TCEA3: variants seen among roughly 807,000 people sequenced by gnomAD.
TCEA3 encodes transcription elongation factor A3.
Under a neutral mutation model 44.0 loss-of-function variants are expected in TCEA3, and 36 were observed. The ratio of observed to expected loss-of-function variants is 0.82; its 90% confidence interval spans 0.63 to 1.08. TCEA3 has a LOEUF of 1.08. TCEA3 is among the 50% of genes least tolerant of loss of function. The pLI is 0.00. For missense variants in TCEA3, 392 were observed against 441.2 expected, an observed-to-expected ratio of 0.89 and a Z score of 1.00; for synonymous variants, 162 against 159.7, an observed-to-expected ratio of 1.01 and a Z score of -0.11.
intron 5 of TCEA3, among the ~76,000 whole-genome samples, chr1:23,399,605 T>C (rs1639337456): frequency 6.6e-6 from 1 of 152,176 alleles, no homozygotes; most frequent in African/African-American, 2.4e-5. Context: ...ATTTTCTTCG[T>C]TTGCTTATGC....
chr1:23,381,507 G>C (rs1217412251), intron 10 of TCEA3, 33 bp from the exon 11 acceptor site: 1 of 780,718 alleles, frequency 1.3e-6, no homozygotes, highest in Non-Finnish European at 2.4e-6. Context: ...AAATTTGAAA[G>C]GTTTCTCGGC....
intron 5 of TCEA3, among the ~76,000 whole-genome samples, chr1:23,398,638 A>T (rs1372267215): frequency 1.3e-5 from 2 of 152,200 alleles, no homozygotes; most frequent in Non-Finnish European, 2.9e-5. Context: ...TACTCTCATC[A>T]TCTCTATTTT....
intron 1 of TCEA3, among the ~76,000 whole-genome samples, chr1:23,422,791 G>C (rs974082358): frequency 6.6e-6 from 1 of 152,196 alleles, no homozygotes; most frequent in Non-Finnish European, 1.5e-5. Flanking sequence ...TTTCACAGAA[G>C]AGGAAACTCG....
chr1:23,421,207 A>C (rs1311011193), intron 1 of TCEA3, among the ~76,000 whole-genome samples: 1 of 152,208 alleles, frequency 6.6e-6, no homozygotes, highest in East Asian at 1.9e-4. Context: ...TATCTCATTT[A>C]ACATTCACAA....
intron 5 of TCEA3, among the ~76,000 whole-genome samples, chr1:23,399,994 C>T (rs1639350919): frequency 6.6e-6 from 1 of 151,858 alleles, no homozygotes; most frequent in Non-Finnish European, 1.5e-5. Flanking sequence ...GCATTCTTGG[C>T]AGAAATGATG....
At chr1:23,402,511 C>T (rs1411946889) in intron 5 of TCEA3, among the ~76,000 whole-genome samples, 2 of 152,210 alleles carry the variant, frequency 1.3e-5, no homozygotes, top group Non-Finnish European at 2.9e-5. Context: ...ATCCCTCCCA[C>T]TGCCGGGCCT....
At position 23,424,609 on chromosome 1, in the gene TCEA3, T is replaced by G. The variant is rs758901775; in HGVS notation, c.25A>C (p.Arg9=). MGQEEELL[R]IAKKLEKMVA... ...ATCTTCTCCAGCTTTTTGGCGATCC[T>G]CAGCAGCTCCTCTTCCTGGCCCATG... Residue 9 remains arginine, a synonymous_variant, in exon 1 of 11, where the codon AGG becomes CGG. Coordinates refer to ENST00000450454, the MANE Select transcript of TCEA3 (RefSeq NM_003196.3). The G allele has an allele frequency of 1.2e-6, 2 of 1,608,460 alleles. No homozygotes were observed. The highest frequency in any genetic ancestry group is 1.7e-6 in the Non-Finnish European group (2 of 1,179,050).
chr1:23,383,888 G>C (rs922087098), intron 10 of TCEA3: 1 of 996,170 alleles, frequency 1.0e-6, no homozygotes, highest in African/African-American at 1.7e-5. Context: ...AGGAGGGAAG[G>C]ATGGCCTGGT....
chr1:23,384,464 A>G (rs772881355), intron 9 of TCEA3, 47 bp from the exon 10 acceptor site: 1 of 1,591,836 alleles, frequency 6.3e-7, no homozygotes, highest in Non-Finnish European at 8.6e-7. Context: ...CTGTTCTAGG[A>G]CCTGCCATGG....
intron 7 of TCEA3, among the ~76,000 whole-genome samples, chr1:23,397,031 C>T (rs12139783): frequency 0.012 from 1,779 of 143,926 alleles, 9 homozygotes; most frequent in Non-Finnish European, 0.02. Context: ...AAAAAAAGGG[C>T]GCTGTTAACA....
Position 23,408,229 on chromosome 1 carries a change from T to G in TCEA3, c.443+435A>C, listed in dbSNP as rs553292938. The stretch of plus-strand genomic sequence containing the variant: ...CGCCTGCCTCGGCCTTCCAAAGTGC[T>G]GGGATTACAGGCATGAGCCACTGTG... On this transcript the variant is annotated intron_variant, in intron 5 of 10. Transcript: ENST00000450454. 3.9e-5 allele frequency among the ~76,000 whole-genome samples: 6 copies of G among 152,294 alleles called. No individual in the cohort carries two copies. In the South Asian group the frequency reaches 8.3e-4, roughly 21 times the overall value.
intron 8 of TCEA3, among the ~76,000 whole-genome samples, chr1:23,390,354 G>A (rs947473918): frequency 6.6e-6 from 1 of 152,134 alleles, no homozygotes; most frequent in African/African-American, 2.4e-5. Flanking sequence ...ACAGGTGCAT[G>A]CCTGCAGTCC....
intron 9 of TCEA3, among the ~76,000 whole-genome samples, 154 bp from the exon 10 acceptor site, chr1:23,384,571 T>C (rs532800242): frequency 6.6e-6 from 1 of 152,044 alleles, no homozygotes; most frequent in African/African-American, 2.4e-5. Context: ...AACTCCATAA[T>C]ATTAGTATTA....
intron 7 of TCEA3, among the ~76,000 whole-genome samples, chr1:23,394,403 G>A (rs1407416427): frequency 6.6e-6 from 1 of 152,142 alleles, no homozygotes; most frequent in Non-Finnish European, 1.5e-5. Flanking sequence ...TAAGCCACGT[G>A]ATGCACTAGT....
chr1:23,406,806 C>T (rs1639557155), intron 5 of TCEA3, among the ~76,000 whole-genome samples: 1 of 152,084 alleles, frequency 6.6e-6, no homozygotes, highest in South Asian at 2.1e-4. Context: ...ATTTTTAGTG[C>T]AGACGGGGTT....
intron 1 of TCEA3, 159 bp from the exon 2 acceptor site, chr1:23,419,298 T>C (rs1340662023): frequency 8.9e-6 from 4 of 449,290 alleles, no homozygotes; most frequent in Non-Finnish European, 7.8e-6. Flanking sequence ...AAACAATCTG[T>C]CCTAGGTGGT....
At chr1:23,416,117 C>T (rs1639882326) in intron 4 of TCEA3, among the ~76,000 whole-genome samples, 1 of 151,126 alleles carries the variant, frequency 6.6e-6, no homozygotes, top group Non-Finnish European at 1.5e-5. Flanking sequence ...AGTGATTCTC[C>T]TGCCTCAGCC....
chr1:23,400,334 T>C (rs1639360832), intron 5 of TCEA3, among the ~76,000 whole-genome samples: 1 of 150,400 alleles, frequency 6.6e-6, no homozygotes, highest in Non-Finnish European at 1.5e-5. Flanking sequence ...GCCTCCCAAG[T>C]AGCTAGGACT....
chr1:23,406,207 CTGGCTGCCATGTTGGAGG>C (rs1223388738), intron 5 of TCEA3, among the ~76,000 whole-genome samples: 10 of 152,226 alleles, frequency 6.6e-5, no homozygotes, highest in Non-Finnish European at 1.3e-4. Context: ...TCAGCTGGAG[CTGGCTGCCATGTTGGAGG>C]TGTGCAATAC....
Sources: allele counts gnomAD v4.1 joint callset (sites outside exome capture counted in the v4.1 genomes callset), GRCh38; gene constraint gnomAD v4.1.1; transcripts MANE v1.5; gene names NCBI Gene and HGNC (gene_info 2026-07-23, HGNC 2026-07-21).